The following STK3 variants were observed in gnomAD, a reference collection of about 807,000 sequenced individuals.
STK3 encodes the protein serine/threonine kinase 3.
STK3 carries 41 observed loss-of-function variants against 58.0 expected under a neutral mutation model. That is an observed-to-expected ratio of 0.71 (90% CI 0.55 to 0.92). The LOEUF (loss-of-function observed/expected upper bound fraction) is 0.92, where lower values mean the gene tolerates loss of function less well. Among genes scored for constraint, STK3 ranks in the 40% least tolerant of loss-of-function variants. The pLI is 0.00. For missense variants in STK3, 479 were observed against 602.7 expected, an observed-to-expected ratio of 0.79 and a Z score of 2.15; for synonymous variants, 170 against 191.0, an observed-to-expected ratio of 0.89 and a Z score of 0.91.
chr8:98,641,590 C>G (rs1177489323), intron 6 of STK3, among the ~76,000 whole-genome samples: 1 of 152,086 alleles, frequency 6.6e-6, no homozygotes, highest in Non-Finnish European at 1.5e-5. Flanking sequence ...ATTTACCAAC[C>G]CTGTGCTGTG....
At chr8:98,553,640 T>C (rs1811370853) in intron 8 of STK3, among the ~76,000 whole-genome samples, 1 of 152,126 alleles carries the variant, frequency 6.6e-6, no homozygotes, top group Non-Finnish European at 1.5e-5. Context: ...CACTTATCAA[T>C]GAGTTAGAAG....
downstream of STK3, among the ~76,000 whole-genome samples, chr8:98,400,006 TGATCCTTCTTGATA>T (rs1306110871): frequency 6.6e-6 from 1 of 152,180 alleles, no homozygotes; most frequent in Non-Finnish European, 1.5e-5. Context: ...TGCAACCTCA[TGATCCTTCTTGATA>T]GAAGCTGCTA....
downstream of STK3, among the ~76,000 whole-genome samples, chr8:98,397,105 C>A (rs1190446178): frequency 6.6e-6 from 1 of 152,166 alleles, no homozygotes; most frequent in African/African-American, 2.4e-5. Flanking sequence ...CTGAACGTTA[C>A]CCTTATAACC....
At chr8:98,624,579 C>T (rs997924636) in intron 6 of STK3, among the ~76,000 whole-genome samples, 11 of 152,110 alleles carry the variant, frequency 7.2e-5, no homozygotes, top group East Asian at 5.8e-4. Flanking sequence ...CAGCCGGGTG[C>T]GGTAGTTCAT....
At chr8:98,574,563 AATGT>A (rs1365316548) in intron 8 of STK3, among the ~76,000 whole-genome samples, 2 of 152,182 alleles carry the variant, frequency 1.3e-5, no homozygotes, top group Admixed American at 1.3e-4. Flanking sequence ...ATCTCAACAA[AATGT>A]ATGAGTATAG....
intron 3 of STK3, among the ~76,000 whole-genome samples, chr8:98,408,216 C>T (rs1251203836): frequency 1.3e-5 from 2 of 152,156 alleles, no homozygotes; most frequent in Non-Finnish European, 2.9e-5. Flanking sequence ...TGATGATTCC[C>T]CTTCTCCTTG....
chr8:98,910,317 C>A (rs1839079511), intron 1 of STK3, among the ~76,000 whole-genome samples: 1 of 152,120 alleles, frequency 6.6e-6, no homozygotes, highest in African/African-American at 2.4e-5. Context: ...GTAACCAGGA[C>A]TTAAAGTTGT....
In STK3 at chr8:98,787,233, C is replaced by A. The variant is rs535535243; in HGVS notation, c.27-12414G>T. 1.7e-3 allele frequency among the ~76,000 whole-genome samples: 210 copies of A among 121,854 alleles called. 2 individuals are homozygous for A. The highest frequency in any genetic ancestry group is 3.0e-3 in the South Asian group (11 of 3,728). 79.9% of individuals were successfully genotyped at this position (121,854 alleles called of 152,430 possible). On this transcript the variant is annotated intron_variant, in intron 1 of 10. Transcript: ENST00000419617. ...AAGAGATATTTAATGAAATAGATAG[C>A]ATAAATAAAAAAACTTCAGGAAACA...
chr8:98,927,968 C>T (rs1839864446), intron 1 of STK3, among the ~76,000 whole-genome samples: 1 of 152,214 alleles, frequency 6.6e-6, no homozygotes. Context: ...ACTAAACTCC[C>T]TTTATTGCTT....
intron 3 of STK3, among the ~76,000 whole-genome samples, chr8:98,421,022 G>A (rs1308883088): frequency 6.6e-6 from 1 of 152,176 alleles, no homozygotes; most frequent in Non-Finnish European, 1.5e-5. Context: ...GTGCGGGGCT[G>A]GCTCTTCATT....
Position 98,428,520 on chromosome 8 carries a change from G to A in STK3, n.483+5607C>T, listed in dbSNP as rs942498856. The A allele has an allele frequency of 3.7e-6, 6 of 1,613,986 alleles. No individual in the cohort carries two copies. In the East Asian group the frequency reaches 6.7e-5, roughly 18 times the overall value. ...GCTGTGGCTGGCGCTGGACAACCCCGGCTACTCAGTGCTGAGCAGGGTCTT... is the reference window on the plus strand; with the variant it reads ...GCTGTGGCTGGCGCTGGACAACCCCAGCTACTCAGTGCTGAGCAGGGTCTT... On this transcript the variant is annotated intron_variant and non_coding_transcript_variant, in intron 3 of 3. Coordinates refer to the STK3 transcript ENST00000517832. The surrounding 1 kb of genome is among the most constrained non-coding windows in gnomAD (Gnocchi z 6.7).
At chr8:98,560,436 T>A (rs889385235) in intron 8 of STK3, among the ~76,000 whole-genome samples, 1 of 151,836 alleles carries the variant, frequency 6.6e-6, no homozygotes, top group African/African-American at 2.4e-5. Flanking sequence ...TGACTGAAAT[T>A]TGAAATTAAA....
At position 98,512,751 on chromosome 8, in the gene STK3, T is replaced by C. The variant is rs189063377; in HGVS notation, c.1317+13991A>G. Reference sequence around the variant, plus strand: ...AATTCTGAATGTTAGACATTGCTGTTCAATAAAAAATAACTTGTATTAAAA... The same window carrying C: ...AATTCTGAATGTTAGACATTGCTGTCCAATAAAAAATAACTTGTATTAAAA... On this transcript the variant is annotated intron_variant, in intron 10 of 10. Transcript: ENST00000419617. 3.6e-4 allele frequency among the ~76,000 whole-genome samples: 55 copies of C among 152,296 alleles called. 1 individual carries two copies. The highest frequency in any genetic ancestry group is 1.3e-3 in the African/African-American group (54 of 41,572).
intron 6 of STK3, among the ~76,000 whole-genome samples, chr8:98,670,785 G>A (rs528494175): frequency 6.6e-6 from 1 of 152,202 alleles, no homozygotes; most frequent in Non-Finnish European, 1.5e-5. Flanking sequence ...TCGAGTGAGA[G>A]ACCACCTTCC....
At chr8:98,815,546 G>C (rs1163626521) in intron 1 of STK3, among the ~76,000 whole-genome samples, 1 of 152,056 alleles carries the variant, frequency 6.6e-6, no homozygotes, top group Admixed American at 6.6e-5. Flanking sequence ...AAACCACTAG[G>C]GTCATGTTAT....
chr8:98,579,901 T>C, intron 7 of STK3, 112 bp from the exon 8 acceptor site: 2 of 969,998 alleles, frequency 2.1e-6, no homozygotes, highest in East Asian at 3.1e-5. Context: ...TCAATGATTG[T>C]TTTTTCATCT....
intron 3 of STK3, among the ~76,000 whole-genome samples, chr8:98,858,321 TATAGAG>T (rs1317672778): frequency 5.6e-4 from 18 of 31,880 alleles, no homozygotes; most frequent in African/African-American, 1.4e-3. Context: ...TATATATATA[TATAGAG>T]AGAGAGAGAG....
At chr8:98,756,039 A>C (rs1384048886) in intron 3 of STK3, among the ~76,000 whole-genome samples, 1 of 151,994 alleles carries the variant, frequency 6.6e-6, no homozygotes, top group Admixed American at 6.6e-5. Flanking sequence ...GCTACTCAGG[A>C]GGCTGGGGCA....
At chr8:98,743,696 C>T (rs1413015008) in intron 4 of STK3, among the ~76,000 whole-genome samples, 54 of 152,144 alleles carry the variant, frequency 3.5e-4, no homozygotes, top group East Asian at 2.5e-3. Context: ...ATGTCTAAAA[C>T]ACCAAAAGCA....
Sources: allele counts gnomAD v4.1 joint callset (sites outside exome capture counted in the v4.1 genomes callset), GRCh38; gene constraint gnomAD v4.1.1; non-coding constraint Gnocchi (gnomAD v3.1); transcripts MANE v1.5; gene names NCBI Gene and HGNC (gene_info 2026-07-23, HGNC 2026-07-21).